Variants in INPP5A observed in about 807,000 individuals in gnomAD.
The protein encoded by INPP5A is 43 kDa inositol polyphosphate 5-phophatase.
In INPP5A, 14 loss-of-function variants were observed where a neutral mutation model predicts 65.2. That is an observed-to-expected ratio of 0.21 (90% CI 0.14 to 0.34). The LOEUF (loss-of-function observed/expected upper bound fraction) is 0.34, where lower values mean the gene tolerates loss of function less well. INPP5A is among the 10% of genes least tolerant of loss of function. The pLI is 1.00. For synonymous variants in INPP5A, 207 were observed against 208.3 expected, an observed-to-expected ratio of 0.99 and a Z score of 0.05; for missense variants, 431 against 545.6, an observed-to-expected ratio of 0.79 and a Z score of 2.09.
chr10:132,606,953 A>G (rs2071864842), intron 1 of INPP5A, among the ~76,000 whole-genome samples: 1 of 151,790 alleles, frequency 6.6e-6, no homozygotes, highest in African/African-American at 2.4e-5. Flanking sequence ...TCTCTCGCAA[A>G]ATGGAAACTC....
chr10:132,735,046 G>T (rs961001716), intron 9 of INPP5A, among the ~76,000 whole-genome samples: 1 of 152,188 alleles, frequency 6.6e-6, no homozygotes, highest in Non-Finnish European at 1.5e-5. Flanking sequence ...TGTGGAGCAG[G>T]TGCATCTCGA....
At chr10:132,717,835 C>G (rs1170451444) in intron 8 of INPP5A, among the ~76,000 whole-genome samples, 1 of 146,646 alleles carries the variant, frequency 6.8e-6, no homozygotes, top group Non-Finnish European at 1.5e-5. Flanking sequence ...GCACCTTAGA[C>G]GGCTGTCTTG....
chr10:132,743,845 C>T (rs959273046), intron 9 of INPP5A, among the ~76,000 whole-genome samples: 3 of 152,324 alleles, frequency 2.0e-5, no homozygotes, highest in Non-Finnish European at 2.9e-5. Flanking sequence ...AGGCCGGCCC[C>T]GGGGCTCAGA....
At chr10:132,723,441 G>C (rs890057500) in intron 8 of INPP5A, among the ~76,000 whole-genome samples, 2 of 146,108 alleles carry the variant, frequency 1.4e-5, no homozygotes, top group Admixed American at 1.3e-4. Context: ...TTGGCCATGT[G>C]GGGATTGGCC....
intron 12 of INPP5A, among the ~76,000 whole-genome samples, chr10:132,776,781 C>CGGAAGTGGG (rs1847070987): frequency 6.6e-6 from 1 of 152,032 alleles, no homozygotes; most frequent in Non-Finnish European, 1.5e-5. Context: ...CCTGCAGGCC[C>CGGAAGTGGG]GGAAGTGGGG....
At chr10:132,586,862 C>CAT (rs2071551813) in intron 1 of INPP5A, among the ~76,000 whole-genome samples, 3 of 151,904 alleles carry the variant, frequency 2.0e-5, no homozygotes, top group Admixed American at 6.6e-5. Context: ...CTCTCCTGCG[C>CAT]GTCAGAAGGC....
At chr10:132,646,799 A>G (rs534228198) in intron 3 of INPP5A, among the ~76,000 whole-genome samples, 140 of 152,258 alleles carry the variant, frequency 9.2e-4, no homozygotes, top group African/African-American at 3.3e-3. Flanking sequence ...CTGTGGGCCG[A>G]CGCCGCTGCC....
rs1489822825 is a variant in INPP5A at position 132,538,425 on chromosome 10, C to T, written c.75+254C>T. ...TCCCCGAACCCCATCCTCCAGACTC[C>T]AGCAGCTGACCGTTGACCCTGGGAC... is the stretch of plus-strand genomic sequence containing the variant. On this transcript the variant is annotated intron_variant, in intron 1 of 15. Transcript: ENST00000368594. The surrounding 1 kb of genome is among the most constrained non-coding windows in gnomAD (Gnocchi z 4.1). Among the ~76,000 whole-genome samples, 3 of 152,154 alleles carry T rather than the reference C, an allele frequency of 2.0e-5. No homozygotes were observed. Among genetic ancestry groups the T allele is most frequent in the Non-Finnish European group, 4.4e-5 (3 of 68,012 alleles).
intron 2 of INPP5A, among the ~76,000 whole-genome samples, chr10:132,640,116 A>T (rs1239405034): frequency 6.6e-6 from 1 of 152,136 alleles, no homozygotes; most frequent in African/African-American, 2.4e-5. Context: ...TCAGATTCCG[A>T]TAACTCAGGG....
chr10:132,764,650 TGGGA>T (rs1565007678), intron 11 of INPP5A, among the ~76,000 whole-genome samples: 1 of 95,234 alleles, frequency 1.1e-5, no homozygotes, highest in Non-Finnish European at 2.1e-5. Context: ...CCTGCAGGGG[TGGGA>T]GGGTGTGCGT....
At chr10:132,576,530 G>A (rs934331996) in intron 1 of INPP5A, among the ~76,000 whole-genome samples, 10 of 152,296 alleles carry the variant, frequency 6.6e-5, no homozygotes, top group Non-Finnish European at 1.0e-4. Context: ...CTCTGCTCCT[G>A]TCCCCAGTGT....
intron 2 of INPP5A, among the ~76,000 whole-genome samples, chr10:132,634,780 G>A (rs141032722): frequency 2.0e-5 from 3 of 152,348 alleles, no homozygotes; most frequent in East Asian, 1.9e-4. Context: ...GAATGTTGCC[G>A]CCACTGCGGC....
intron 8 of INPP5A, among the ~76,000 whole-genome samples, chr10:132,722,202 A>C (rs888358649): frequency 1.3e-5 from 2 of 152,238 alleles, no homozygotes; most frequent in Non-Finnish European, 2.9e-5. Flanking sequence ...AACCAACTTT[A>C]ATAGATTCCC....
chr10:132,630,174 G>A (rs561431982), intron 2 of INPP5A, among the ~76,000 whole-genome samples: 2 of 152,092 alleles, frequency 1.3e-5, no homozygotes, highest in African/African-American at 4.8e-5. Flanking sequence ...AAGAAAAGGC[G>A]TCCATGAGGG....
chr10:132,756,983 C>G (rs1225692690), intron 11 of INPP5A, among the ~76,000 whole-genome samples: 1 of 151,956 alleles, frequency 6.6e-6, no homozygotes, highest in Non-Finnish European at 1.5e-5. Flanking sequence ...AAAGAATAGG[C>G]AAAAAGTTTA....
At position 132,537,794 on chromosome 10, in the gene INPP5A, C is replaced by T; in HGVS notation, c.-303C>T. 5.4e-6 allele frequency: 2 copies of T among 367,756 alleles called. No individual in the cohort carries two copies. The highest frequency in any genetic ancestry group is 3.9e-5 in the East Asian group (1 of 25,608). 22.8% of individuals were successfully genotyped at this position (367,756 alleles called of 1,614,324 possible). ...TCGGCTCCGCGGGGCGGGACTTGCCCTCAGCCTGAGTCGGCGGCGGCTGCG... is the reference window on the plus strand; with the variant it reads ...TCGGCTCCGCGGGGCGGGACTTGCCTTCAGCCTGAGTCGGCGGCGGCTGCG... On this transcript the variant is annotated 5_prime_UTR_variant, in exon 1 of 16. Transcript: ENST00000368594.
At chr10:132,749,232 G>A (rs960839712) in intron 9 of INPP5A, among the ~76,000 whole-genome samples, 4 of 152,256 alleles carry the variant, frequency 2.6e-5, no homozygotes, top group Non-Finnish European at 5.9e-5. Flanking sequence ...TGCTGGTGTC[G>A]CACTGGCTTT....
chr10:132,582,312 C>T (rs928187865), intron 1 of INPP5A, among the ~76,000 whole-genome samples: 3 of 151,722 alleles, frequency 2.0e-5, no homozygotes, highest in African/African-American at 7.3e-5. Flanking sequence ...GGGTTTTTGA[C>T]TTATCACAAG....
At position 132,768,424 on chromosome 10, in the gene INPP5A, T is replaced by C. The variant is rs187870725; in HGVS notation, c.977+2578T>C. Among the ~76,000 whole-genome samples, 423 of 151,944 alleles carry C rather than the reference T, an allele frequency of 2.8e-3. 1 individual carries two copies. The highest frequency in any genetic ancestry group is 9.9e-3 in the African/African-American group (410 of 41,360). On this transcript the variant is annotated intron_variant, in intron 12 of 15. Coordinates refer to ENST00000368594, the MANE Select transcript of INPP5A (RefSeq NM_005539.5). ...AAGATCCATGGACCCCGACCCTCAG[T>C]GTTCCCAGGTGCTCACACAGGCCTG...
Sources: allele counts gnomAD v4.1 joint callset (sites outside exome capture counted in the v4.1 genomes callset), GRCh38; gene constraint gnomAD v4.1.1; non-coding constraint Gnocchi (gnomAD v3.1); transcripts MANE v1.5; gene names NCBI Gene and HGNC (gene_info 2026-07-23, HGNC 2026-07-21).